The following PHKB variants were observed in gnomAD, a reference collection of about 807,000 sequenced individuals.
PHKB encodes phosphorylase kinase regulatory subunit beta, also known as phosphorylase b kinase regulatory subunit beta.
In PHKB, 122 loss-of-function variants were observed where a neutral mutation model predicts 152.1. That is an observed-to-expected ratio of 0.80 (90% CI 0.69 to 0.93). The LOEUF is 0.93. PHKB is among the 40% of genes least tolerant of loss of function. The probability of loss-of-function intolerance (pLI) is 0.00; values close to 1 mark genes in which losing one functional copy is unlikely to be tolerated. For synonymous variants in PHKB, 436 were observed against 464.9 expected (o/e 0.94, Z 0.80); for missense variants, 1,304 against 1,328.4 (o/e 0.98, Z 0.29).
At chr16:47,619,138 C>T (rs1308990051) in intron 14 of PHKB, 2 of 152,170 alleles carry the variant, frequency 1.3e-5, no homozygotes, top group South Asian at 2.1e-4. Context: ...AGGTAGACAA[C>T]GTGAGTCTCA....
At chr16:47,557,933 A>G (rs920669377) in intron 7 of PHKB, among the ~76,000 whole-genome samples, 1 of 152,168 alleles carries the variant, frequency 6.6e-6, no homozygotes, top group African/African-American at 2.4e-5. Flanking sequence ...ACACATGCAC[A>G]CATATGTTTA....
intron 14 of PHKB, among the ~76,000 whole-genome samples, chr16:47,627,837 A>T (rs1972737919): frequency 6.6e-6 from 1 of 152,212 alleles, no homozygotes; most frequent in South Asian, 2.1e-4. Flanking sequence ...CAGTCAGGAC[A>T]TGGCTGTGTT....
chr16:47,568,547 CTT>C (rs1971606260), intron 7 of PHKB, among the ~76,000 whole-genome samples: 1 of 152,072 alleles, frequency 6.6e-6, no homozygotes, highest in African/African-American at 2.4e-5. Context: ...TCTGATCTCT[CTT>C]GTTTTTCTTC....
At position 47,545,632 on chromosome 16, in the gene PHKB, G is replaced by A. The variant is rs572964642; in HGVS notation, c.595-1801G>A. ...TTCTCTGTATTTCCTGAATTTGAAT[G>A]TTGGCCTCCCTTGCTAGGTTGGGGA... On this transcript the variant is annotated intron_variant, in intron 6 of 30. Transcript: ENST00000323584. Among the ~76,000 whole-genome samples, 3 of 152,288 alleles carry A rather than the reference G, an allele frequency of 2.0e-5. No individual in the cohort carries two copies. The East Asian group carries it at 5.8e-4, about 29-fold the overall frequency.
chr16:47,490,513 A>G (rs1597025840), intron 1 of PHKB, among the ~76,000 whole-genome samples: 1 of 152,198 alleles, frequency 6.6e-6, no homozygotes, highest in Non-Finnish European at 1.5e-5. Flanking sequence ...TGGCAATCCC[A>G]TGTAACTAAA....
chr16:47,648,664 C>A, intron 17 of PHKB, 48 bp downstream of exon 17: 3 of 1,186,244 alleles, frequency 2.5e-6, no homozygotes, highest in Non-Finnish European at 3.8e-6. Flanking sequence ...TCTAATACCG[C>A]ATACTGAAAT....
intron 6 of PHKB, among the ~76,000 whole-genome samples, chr16:47,524,986 T>G (rs1311446101): frequency 1.3e-5 from 2 of 152,212 alleles, no homozygotes. Context: ...TCAAGTTATA[T>G]TATTTGTTAT....
intron 6 of PHKB, among the ~76,000 whole-genome samples, chr16:47,546,488 G>A (rs1411906943): frequency 6.6e-6 from 1 of 152,134 alleles, no homozygotes; most frequent in African/African-American, 2.4e-5. Flanking sequence ...CTTTGACTCA[G>A]AGGGGCACCC....
At chr16:47,524,517 C>A (rs2151657455) in intron 6 of PHKB, among the ~76,000 whole-genome samples, 1 of 152,246 alleles carries the variant, frequency 6.6e-6, no homozygotes, top group South Asian at 2.1e-4. Context: ...GCCTGTAATC[C>A]CAGCACTTTG....
chr16:47,673,184 G>T (rs576178604), intron 26 of PHKB, among the ~76,000 whole-genome samples: 108 of 151,610 alleles, frequency 7.1e-4, no homozygotes, highest in African/African-American at 2.4e-3. Context: ...TTCTGCTAAG[G>T]ATAGGAACTA....
chr16:47,579,012 C>T (rs548736932), intron 7 of PHKB, among the ~76,000 whole-genome samples: 1 of 152,064 alleles, frequency 6.6e-6, no homozygotes, highest in South Asian at 2.1e-4. Context: ...ATAAATAAGG[C>T]AAAAAGGAAA....
intron 14 of PHKB, among the ~76,000 whole-genome samples, chr16:47,633,341 G>A (rs968191473): frequency 6.6e-6 from 1 of 151,996 alleles, no homozygotes; most frequent in Non-Finnish European, 1.5e-5. Flanking sequence ...CCTCCAAACC[G>A]TCAAATGAAT....
chr16:47,530,501 G>A (rs578060596), intron 6 of PHKB, among the ~76,000 whole-genome samples: 14 of 152,224 alleles, frequency 9.2e-5, no homozygotes, highest in Admixed American at 2.6e-4. Context: ...AAGCAATAAG[G>A]CAAGAAGTAA....
chr16:47,616,318 G>C (rs1295327243), intron 14 of PHKB, among the ~76,000 whole-genome samples: 3 of 151,584 alleles, frequency 2.0e-5, no homozygotes, highest in Non-Finnish European at 4.4e-5. Flanking sequence ...CGTATACTTA[G>C]ACCTGTGATC....
intron 10 of PHKB, chr16:47,590,888 A>G (rs1201960543): frequency 2.0e-5 from 3 of 152,212 alleles, no homozygotes; most frequent in Non-Finnish European, 2.9e-5. Flanking sequence ...TTTGTACTCA[A>G]GTTCGCAGAC....
At chr16:47,501,233 T>A (rs1004128471) in intron 3 of PHKB, among the ~76,000 whole-genome samples, 1 of 152,202 alleles carries the variant, frequency 6.6e-6, no homozygotes, top group Non-Finnish European at 1.5e-5. Flanking sequence ...AACATGAGTC[T>A]ACATATGAAC....
intron 25 of PHKB, among the ~76,000 whole-genome samples, chr16:47,667,210 T>A (rs1482793659): frequency 6.6e-6 from 1 of 151,734 alleles, no homozygotes; most frequent in Non-Finnish European, 1.5e-5. Context: ...GGCGGGAGGA[T>A]CACTTGAGGC....
At chr16:47,545,465 G>C (rs564003007) in intron 6 of PHKB, among the ~76,000 whole-genome samples, 19 of 152,340 alleles carry the variant, frequency 1.2e-4, no homozygotes, top group African/African-American at 4.3e-4. Context: ...GAGGTCTGCT[G>C]TTAGTCTGAT....
chr16:47,696,415 T>A lies in PHKB; in HGVS notation c.2930T>A (p.Met977Lys). 6.2e-7 allele frequency: 1 copy of A among 1,610,934 alleles called. No individual in the cohort carries two copies. Among genetic ancestry groups the A allele is most frequent in the Non-Finnish European group, 8.5e-7 (1 of 1,177,026 alleles). ...PTLSDMTMYE[M>K]NFSLLVEDTL... The stretch of plus-strand genomic sequence containing the variant: ...CTGTCAGATATGACCATGTATGAGA[T>A]GAATTTCTCTCTCCTTGTTGAAGAC... Residue 977 changes from methionine (M) to lysine (K), a missense_variant, in exon 29 of 31, where the codon ATG becomes AAG. Met to Lys is a moderately conservative substitution (Grantham distance 95, BLOSUM62 -1). Coordinates refer to ENST00000323584, the MANE Select transcript of PHKB (RefSeq NM_000293.3).
Sources: allele counts gnomAD v4.1 joint callset (sites outside exome capture counted in the v4.1 genomes callset), GRCh38; gene constraint gnomAD v4.1.1; transcripts MANE v1.5; gene names NCBI Gene and HGNC (gene_info 2026-07-23, HGNC 2026-07-21).